HDAC3: variants seen among roughly 807,000 people sequenced by gnomAD.
HDAC3 encodes the protein SMAP45.
HDAC3 carries 21 observed loss-of-function variants against 62.3 expected under a neutral mutation model. That is an observed-to-expected ratio of 0.34 (90% confidence interval 0.24 to 0.49). HDAC3 has a LOEUF of 0.49. HDAC3 is among the 20% of genes least tolerant of loss of function. The pLI is 0.99. For missense variants in HDAC3, 270 were observed against 556.9 expected (o/e 0.48, Z 5.19); for synonymous variants, 198 against 206.5 (o/e 0.96, Z 0.35).
chr5:141,621,290 G>T lies in HDAC3; in HGVS notation c.*178C>A. On this transcript the variant is annotated 3_prime_UTR_variant, in exon 15 of 15. Transcript: ENST00000305264. Reference sequence around the variant, plus strand: ...CTAATAGGTACCATTGTCAGGCCTTGGGAGAGAGAGGAAAAGCAGGTAGAT... The same window carrying T: ...CTAATAGGTACCATTGTCAGGCCTTTGGAGAGAGAGGAAAAGCAGGTAGAT... 1 of 634,862 alleles carries T rather than the reference G, an allele frequency of 1.6e-6. No homozygotes were observed. The allele number at this position is 634,862 out of a possible 1,614,324, so 39.3% of individuals were successfully genotyped here.
chr5:141,631,715 T>G (rs370872513), intron 3 of HDAC3, among the ~76,000 whole-genome samples: 13 of 152,290 alleles, frequency 8.5e-5, no homozygotes, highest in African/African-American at 3.1e-4. Flanking sequence ...CACCTACTAA[T>G]GATAGTGAGG....
chr5:141,628,323 C>T lies in HDAC3; in HGVS notation c.692-136G>A. The stretch of plus-strand genomic sequence containing the variant: ...AAAGAATCAAATCACTGGTCTGAAA[C>T]TTCTGGAAGGGATCCCAGACTGCTA... On this transcript the variant is annotated intron_variant, in intron 8 of 14. Transcript: ENST00000305264. The surrounding 1 kb of genome is among the most constrained non-coding windows in gnomAD (Gnocchi z 4.7). 2.5e-6 allele frequency: 2 copies of T among 798,034 alleles called. No homozygotes were observed. Among genetic ancestry groups the T allele is most frequent in the Non-Finnish European group, 4.2e-6 (2 of 478,630 alleles). The allele number at this position is 798,034 out of a possible 1,614,324, so 49.4% of individuals were successfully genotyped here.
chr5:141,630,809 G>A (rs1282415683), intron 3 of HDAC3, among the ~76,000 whole-genome samples: 1 of 151,118 alleles, frequency 6.6e-6, no homozygotes, highest in Admixed American at 6.6e-5. Flanking sequence ...AAGGGTGAGT[G>A]ACCTTTGTTG....
rs764751444 is a variant in HDAC3, at chr5:141,629,065, G to C, written c.610+108C>G. 70 of 1,129,266 alleles carry C rather than the reference G, an allele frequency of 6.2e-5. No individual in the cohort carries two copies. The highest frequency in any genetic ancestry group is 8.4e-5 in the Non-Finnish European group (66 of 782,448). The allele number at this position is 1,129,266 out of a possible 1,614,324, so 70.0% of individuals were successfully genotyped here. Reference sequence around the variant, plus strand: ...ATGATAACTGGAGTGGTAAGGAAAGGCTTCTCTGAGGAGGGGACACCTGAG... The same window carrying C: ...ATGATAACTGGAGTGGTAAGGAAAGCCTTCTCTGAGGAGGGGACACCTGAG... On this transcript the variant is annotated intron_variant, in intron 7 of 14. Transcript: ENST00000305264. This position sits in a 1 kb window ranked among gnomAD's most constrained non-coding sequence, Gnocchi z 5.3.
chr5:141,633,425 A>T (rs991482558), intron 3 of HDAC3, among the ~76,000 whole-genome samples: 1 of 152,212 alleles, frequency 6.6e-6, no homozygotes, highest in African/African-American at 2.4e-5. Flanking sequence ...TTTTTAAAAG[A>T]GTATCATTTA....
In HDAC3 at chr5:141,626,055, G is replaced by A. The variant is rs1312165998; in HGVS notation, c.937C>T (p.Leu313=). The change falls in exon 12 of 15, where the codon CTG becomes TTG. Residue 313 remains leucine, a synonymous_variant. Transcript: ENST00000305264. The surrounding 1 kb of genome is among the most constrained non-coding windows in gnomAD (Gnocchi z 4.6). The part of the protein sequence containing the change: ...VARCWTYETS[L]LVEEAISEEL... ...TCACTAATGGCCTCTTCTACCAGCA[G>A]CGATGTCTCATATGTCCTGAAACCA... is the stretch of plus-strand genomic sequence containing the variant. 6.2e-7 allele frequency: 1 copy of A among 1,613,982 alleles called. No homozygotes were observed. Among genetic ancestry groups the A allele is most frequent in the African/African-American group, 1.3e-5 (1 of 74,896 alleles).
In HDAC3 at chr5:141,621,115, T is replaced by A. The variant is rs1046521400; in HGVS notation, c.*353A>T. 15 of 263,818 alleles carry A rather than the reference T, an allele frequency of 5.7e-5. No homozygotes were observed. The highest frequency in any genetic ancestry group is 8.8e-5 in the Non-Finnish European group (12 of 136,466). The allele number at this position is 263,818 out of a possible 1,614,324, so 16.3% of individuals were successfully genotyped here. On this transcript the variant is annotated 3_prime_UTR_variant, in exon 15 of 15. Coordinates refer to ENST00000305264, the MANE Select transcript of HDAC3 (RefSeq NM_003883.4). The stretch of plus-strand genomic sequence containing the variant: ...CAGGGGAGGAGGAAGTCAGAGGCAA[T>A]CTCAGTCCTTGTCTACCCGTTCATC...
chr5:141,632,050 G>T (rs2099905294), intron 3 of HDAC3, among the ~76,000 whole-genome samples: 1 of 147,428 alleles, frequency 6.8e-6, no homozygotes. Flanking sequence ...TTAAGACAGA[G>T]TCTCACTCTG....
chr5:141,625,847 A>G lies in HDAC3; in HGVS notation c.980-83T>C. 7.2e-7 allele frequency: 1 copy of G among 1,390,222 alleles called. No homozygotes were observed. The highest frequency in any genetic ancestry group is 1.0e-6 in the Non-Finnish European group (1 of 976,750). 86.1% of individuals were successfully genotyped at this position (1,390,222 alleles called of 1,614,324 possible). On this transcript the variant is annotated intron_variant, in intron 12 of 14. Coordinates refer to ENST00000305264, the MANE Select transcript of HDAC3 (RefSeq NM_003883.4). This position sits in a 1 kb window ranked among gnomAD's most constrained non-coding sequence, Gnocchi z 4.0. ...CCCAATCTTTTTCCTTCCCATCCAG[A>G]GCACCTACATAATAGCTGCCCAATC...
chr5:141,634,861 A>G lies in HDAC3; in HGVS notation c.231T>C (p.Asn77=). Residue 77 remains asparagine (N), a synonymous_variant, in exon 3 of 15, where the codon AAT becomes AAC. Coordinates refer to ENST00000305264, the MANE Select transcript of HDAC3 (RefSeq NM_003883.4). ...IDFLQRVSPT[N]MQGFTKSLNA... is the part of the protein sequence containing the mutation. ...TAAGACTCTTGGTGAAGCCTTGCAT[A>G]TTGGTGGGGCTGACTCTCTGCAGGA... The G allele has an allele frequency of 1.2e-6, 2 of 1,614,066 alleles. No individual in the cohort carries two copies. The highest frequency in any genetic ancestry group is 8.5e-7 in the Non-Finnish European group (1 of 1,180,004).
In HDAC3 at chr5:141,629,819, C is replaced by T; in HGVS notation, c.420+41G>A. ...CCCCACCATCATCCTAAACACCTACCCTAGGATGGCCACTGTCTTTCCCAT... is the reference window on the plus strand; with the variant it reads ...CCCCACCATCATCCTAAACACCTACTCTAGGATGGCCACTGTCTTTCCCAT... On this transcript the variant is annotated intron_variant, in intron 5 of 14. Transcript: ENST00000305264. This position sits in a 1 kb window ranked among gnomAD's most constrained non-coding sequence, Gnocchi z 5.3. 1 of 1,610,758 alleles carries T rather than the reference C, an allele frequency of 6.2e-7. No homozygotes were observed. Among genetic ancestry groups the T allele is most frequent in the Non-Finnish European group, 8.5e-7 (1 of 1,176,988 alleles).
In HDAC3 at chr5:141,629,333, G is replaced by A; in HGVS notation, c.477-27C>T. The A allele has an allele frequency of 6.2e-7, 1 of 1,613,958 alleles. No homozygotes were observed. On this transcript the variant is annotated intron_variant, in intron 6 of 14. Coordinates refer to ENST00000305264, the MANE Select transcript of HDAC3 (RefSeq NM_003883.4). The surrounding 1 kb of genome is among the most constrained non-coding windows in gnomAD (Gnocchi z 5.3). ...TAGAGGGAAGCCAAAGCCAGGGTCT[G>A]AGCTAGAAGTGAACCCCCCAACCCA...
chr5:141,623,111 G>A (rs1472426233), intron 14 of HDAC3, among the ~76,000 whole-genome samples: 7 of 151,892 alleles, frequency 4.6e-5, no homozygotes, highest in African/African-American at 9.7e-5. Context: ...CAAAAAGAGC[G>A]AAACTCCGTC....
intron 3 of HDAC3, among the ~76,000 whole-genome samples, chr5:141,630,926 A>T (rs2099905116): frequency 6.8e-6 from 1 of 147,832 alleles, no homozygotes; most frequent in African/African-American, 2.5e-5. Context: ...GGCCTAAGTG[A>T]TCCTCCCGCC....
rs1238352714 is a variant in HDAC3 at position 141,630,024 on chromosome 5, A to G, written c.363+20T>C. ...CAGGGATCCAGAGGAAAGGAAGAAC[A>G]GGACTCGGGACTATGTCACCTTGTT... On this transcript the variant is annotated intron_variant, in intron 4 of 14. Coordinates refer to ENST00000305264, the MANE Select transcript of HDAC3 (RefSeq NM_003883.4). 5 of 1,613,594 alleles carry G rather than the reference A, an allele frequency of 3.1e-6. No homozygotes were observed. In the South Asian group the frequency reaches 5.5e-5, roughly 18 times the overall value.
intron 10 of HDAC3, among the ~76,000 whole-genome samples, chr5:141,627,576 T>C (rs1411817455): frequency 1.3e-5 from 2 of 152,240 alleles, no homozygotes; most frequent in Non-Finnish European, 2.9e-5. Context: ...ACAGAATTTA[T>C]AAGAATCTAT....
In HDAC3 at chr5:141,626,002, G is replaced by A; in HGVS notation, c.979+11C>T. 3.1e-6 allele frequency: 5 copies of A among 1,608,502 alleles called. No homozygotes were observed. The South Asian group carries it at 3.3e-5, about 11-fold the overall frequency. ...CTTCCTGTTATGGGGGTGTTGTGGG[G>A]TGGTCCTTACCACTATAGGGAAGCT... is the stretch of plus-strand genomic sequence containing the variant. On this transcript the variant is annotated intron_variant, in intron 12 of 14. Transcript: ENST00000305264. This position sits in a 1 kb window ranked among gnomAD's most constrained non-coding sequence, Gnocchi z 4.6.
chr5:141,629,715 C>T lies in HDAC3; in HGVS notation c.445G>A (p.Asp149Asn), dbSNP rs2099904925. 1.9e-6 allele frequency: 3 copies of T among 1,613,970 alleles called. No homozygotes were observed. Among genetic ancestry groups the T allele is most frequent in the African/African-American group, 1.3e-5 (1 of 74,894 alleles). ...AGCTCCAGGATGCCAATCACAATGT[C>T]GTTGACATAGCAGAAGCCAGAGGCC... ...FEASGFCYVN[D>N]IVIGILELLK... Residue 149 changes from aspartate (D) to asparagine (N), a missense_variant, in exon 6 of 15, where the codon GAC becomes AAC. By Grantham distance (23) the Asp-to-Asn change is conservative. This residue lies in a region of HDAC3 where 156 missense variants were observed against 383.9 expected (regional missense o/e 0.41). Transcript: ENST00000305264. The surrounding 1 kb of genome is among the most constrained non-coding windows in gnomAD (Gnocchi z 5.3).
At chr5:141,634,702 T>C in intron 3 of HDAC3, 109 bp downstream of exon 3, 2 of 984,638 alleles carry the variant, frequency 2.0e-6, no homozygotes, top group South Asian at 1.6e-5. Context: ...TGAATTATGA[T>C]GCATTGACAA....
Sources: gnomAD v4.1 joint callset for allele counts (sites outside exome capture counted in the v4.1 genomes callset) on GRCh38, gnomAD v4.1.1 for gene constraint, gnomAD v4.1.1 regional missense constraint, Gnocchi (gnomAD v3.1) non-coding constraint, MANE v1.5 for transcripts, NCBI Gene and HGNC (gene_info 2026-07-23, HGNC 2026-07-21) for gene names.